Variants in KPNA6 observed in about 807,000 individuals in gnomAD.
KPNA6 encodes karyopherin subunit alpha 6, also known as importin subunit alpha-7.
In KPNA6, 9 loss-of-function variants were observed where a neutral mutation model predicts 72.0. That is an observed-to-expected ratio of 0.13 (90% CI 0.08 to 0.22). The LOEUF (loss-of-function observed/expected upper bound fraction) is 0.22, where lower values mean the gene tolerates loss of function less well. Among genes scored for constraint, KPNA6 ranks in the 10% least tolerant of loss-of-function variants. KPNA6 has a pLI of 1.00. For missense variants in KPNA6, 374 were observed against 655.7 expected (o/e 0.57, Z 4.69); for synonymous variants, 219 against 242.1 (o/e 0.90, Z 0.89).
intron 12 of KPNA6, 61 bp from the exon 13 acceptor site, chr1:32,169,821 C>T: frequency 6.9e-7 from 1 of 1,459,232 alleles, no homozygotes. Context: ...GTTCAGAGCA[C>T]CTGCCCAGCA....
At chr1:32,161,180 C>T (rs1642231319) in intron 7 of KPNA6, among the ~76,000 whole-genome samples, 1 of 152,052 alleles carries the variant, frequency 6.6e-6, no homozygotes, top group African/African-American at 2.4e-5. Flanking sequence ...CACCCATCTG[C>T]CAAAAAGGAT....
chr1:32,142,937 C>G (rs958049662), intron 1 of KPNA6: 8 of 1,288,768 alleles, frequency 6.2e-6, no homozygotes, highest in Non-Finnish European at 7.1e-6. Flanking sequence ...CAGCATGGCT[C>G]TCCTCCCAGC....
intron 4 of KPNA6, among the ~76,000 whole-genome samples, chr1:32,157,766 C>T (rs771340368): frequency 2.6e-5 from 4 of 152,174 alleles, no homozygotes; most frequent in Non-Finnish European, 5.9e-5. Context: ...AATAAAATGA[C>T]TCTTCCCACT....
chr1:32,142,567 CTT>C (rs1412089529), intron 1 of KPNA6, among the ~76,000 whole-genome samples: 1 of 152,138 alleles, frequency 6.6e-6, no homozygotes, highest in Non-Finnish European at 1.5e-5. Context: ...ATTGCTAGCT[CTT>C]TGGTTTTAAA....
At position 32,156,904 on chromosome 1, in the gene KPNA6, G is replaced by A. The variant is rs746123297; in HGVS notation, c.190G>A (p.Asp64Asn). The A allele has an allele frequency of 1.1e-5, 18 of 1,613,922 alleles. No homozygotes were observed. The highest frequency in any genetic ancestry group is 1.3e-5 in the Non-Finnish European group (15 of 1,179,976). The stretch of plus-strand genomic sequence containing the variant: ...GATTAATGAAGAAGCTGCCATGTTC[G>A]ATAGTCTTCTCATGGACTCTTATGT... ...ELINEEAAMF[D>N]SLLMDSYVSS... is the part of the protein sequence containing the mutation. The change falls in exon 3 of 14, where the codon GAT becomes AAT. Residue 64 changes from aspartate (D) to asparagine (N), a missense_variant. Asp to Asn is a conservative substitution (Grantham distance 23, BLOSUM62 1). Transcript: ENST00000373625.
rs760009304 is a variant in KPNA6 at position 32,166,085 on chromosome 1, CT to C, written c.991-19del. The C allele has an allele frequency of 1.9e-6, 3 of 1,574,544 alleles. No homozygotes were observed. The African/African-American group carries it at 4.2e-5, about 22-fold the overall frequency. On this transcript the variant is annotated intron_variant, in intron 10 of 13. Coordinates refer to ENST00000373625, the MANE Select transcript of KPNA6 (RefSeq NM_012316.5). ...AACAGTTTAATTTTTCTTTTGTTTC[CT>C]GTGCTTTTGGTGTTCTAGGTCATTC...
rs181949438 is a variant in KPNA6 at position 32,162,662 on chromosome 1, C to T, written c.911+138C>T. 1.6e-3 allele frequency: 1,332 copies of T among 821,794 alleles called. 7 individuals carry two copies. The highest frequency in any genetic ancestry group is 3.7e-3 in the Middle Eastern group (10 of 2,722). The allele number at this position is 821,794 out of a possible 1,614,324, so 50.9% of individuals were successfully genotyped here. On this transcript the variant is annotated intron_variant, in intron 9 of 13. Coordinates refer to ENST00000373625, the MANE Select transcript of KPNA6 (RefSeq NM_012316.5). ...CCAGCCTGACCAACATGGTGAAACC[C>T]CGTCTCTACTAAAAATACAAAAATT...
chr1:32,133,729 TCAAG>T (rs1479676746), intron 1 of KPNA6, among the ~76,000 whole-genome samples: 36 of 151,798 alleles, frequency 2.4e-4, no homozygotes, highest in Non-Finnish European at 5.9e-5. Context: ...AGAAAAACCG[TCAAG>T]CAAGAATTCT....
chr1:32,169,133 C>A (rs1361291691), intron 12 of KPNA6, among the ~76,000 whole-genome samples: 1 of 151,870 alleles, frequency 6.6e-6, no homozygotes, highest in Non-Finnish European at 1.5e-5. Flanking sequence ...TTGGGGAGGT[C>A]AAGGTGGGAG....
In KPNA6 at chr1:32,172,373, G is replaced by A. The variant is rs1297460172; in HGVS notation, c.*1479G>A. On this transcript the variant is annotated 3_prime_UTR_variant, in exon 14 of 14. Transcript: ENST00000373625. ...GTCCTTACTGCTGAACATCCTGCTT[G>A]TATCAGGAAACTCAGAAGCAGTTTG... 2 of 152,056 alleles carry A rather than the reference G, an allele frequency of 1.3e-5. No homozygotes were observed. Among genetic ancestry groups the A allele is most frequent in the Non-Finnish European group, 2.9e-5 (2 of 68,054 alleles). 9.4% of individuals were successfully genotyped at this position (152,056 alleles called of 1,614,324 possible). A position where few individuals can be genotyped will look rare whatever the true frequency, so the allele number is the denominator to read the frequency against.
intron 1 of KPNA6, among the ~76,000 whole-genome samples, chr1:32,126,261 G>T (rs1020480680): frequency 6.6e-6 from 1 of 151,784 alleles, no homozygotes; most frequent in Non-Finnish European, 1.5e-5. Context: ...ATAAGGAACC[G>T]GTTTATGGAG....
At chr1:32,116,223 AGTG>A (rs1641325841) in intron 1 of KPNA6, among the ~76,000 whole-genome samples, 1 of 148,468 alleles carries the variant, frequency 6.7e-6, no homozygotes, top group Admixed American at 6.8e-5. Context: ...GCTGGAGTGC[AGTG>A]GCCCTATCTT....
At chr1:32,146,150 T>C (rs1335275584) in intron 1 of KPNA6, among the ~76,000 whole-genome samples, 1 of 152,242 alleles carries the variant, frequency 6.6e-6, no homozygotes, top group Non-Finnish European at 1.5e-5. Flanking sequence ...CTGTTACTTA[T>C]CGATCTTCTG....
At chr1:32,166,008 A>AT in intron 10 of KPNA6, 97 bp from the exon 11 acceptor site, 3 of 1,364,016 alleles carry the variant, frequency 2.2e-6, no homozygotes, top group Non-Finnish European at 2.9e-6. Flanking sequence ...AAAAAAAAAA[A>AT]CAAAAACAAC....
intron 1 of KPNA6, among the ~76,000 whole-genome samples, chr1:32,115,455 G>A (rs1376126590): frequency 6.6e-6 from 1 of 151,572 alleles, no homozygotes; most frequent in Non-Finnish European, 1.5e-5. Flanking sequence ...TTTAAGATAG[G>A]GTTTTTGTCT....
chr1:32,164,162 T>G (rs1642290278), intron 10 of KPNA6, among the ~76,000 whole-genome samples: 1 of 152,218 alleles, frequency 6.6e-6, no homozygotes, highest in Non-Finnish European at 1.5e-5. Context: ...ACAGTGTTTA[T>G]TCTTTCTCGT....
At chr1:32,111,680 C>T (rs1347338343) in intron 1 of KPNA6, among the ~76,000 whole-genome samples, 2 of 152,170 alleles carry the variant, frequency 1.3e-5, no homozygotes, top group Non-Finnish European at 2.9e-5. Flanking sequence ...CACAGCCTGC[C>T]TTCACATGCC....
At chr1:32,138,543 C>CA (rs563911504) in intron 1 of KPNA6, among the ~76,000 whole-genome samples, 1,296 of 47,566 alleles carry the variant, frequency 0.027, 20 homozygotes, top group Non-Finnish European at 0.031. Context: ...AACTCCATCT[C>CA]AAAAAAAAAA....
At chr1:32,113,022 C>T (rs1206197203) in intron 1 of KPNA6, among the ~76,000 whole-genome samples, 1 of 152,150 alleles carries the variant, frequency 6.6e-6, no homozygotes, top group Non-Finnish European at 1.5e-5. Context: ...TAACATTTCT[C>T]TCTGCCATAG....
Sources: allele counts gnomAD v4.1 joint callset (sites outside exome capture counted in the v4.1 genomes callset), GRCh38; gene constraint gnomAD v4.1.1; transcripts MANE v1.5; gene names NCBI Gene and HGNC (gene_info 2026-07-23, HGNC 2026-07-21).